Variants in PRDM1 observed in about 807,000 individuals in gnomAD.
The protein encoded by PRDM1 is PR domain zinc finger protein 1.
PRDM1 carries 13 observed loss-of-function variants against 62.8 expected under a neutral mutation model. The ratio of observed to expected loss-of-function variants is 0.21; its 90% confidence interval spans 0.13 to 0.33. The LOEUF (loss-of-function observed/expected upper bound fraction) is 0.33, where lower values mean the gene tolerates loss of function less well. Among genes scored for constraint, PRDM1 ranks in the 10% least tolerant of loss-of-function variants. PRDM1 has a pLI of 1.00. For synonymous variants in PRDM1, 396 were observed against 417.6 expected (o/e 0.95, Z 0.63); for missense variants, 895 against 1,058.8 (o/e 0.85, Z 2.15).
At chr6:106,009,766 G>A (rs899170527) in intron 1 of PRDM1, among the ~76,000 whole-genome samples, 3 of 152,078 alleles carry the variant, frequency 2.0e-5, no homozygotes, top group Non-Finnish European at 2.9e-5. Flanking sequence ...TGCCCAGGCT[G>A]GAGTGCAGTG....
In PRDM1 at chr6:106,011,450, C is replaced by T. The variant is rs74820916; in HGVS notation, c.-67+17811C>T. On this transcript the variant is annotated intron_variant, in intron 1 of 6. Coordinates refer to the PRDM1 transcript ENST00000652320. ...GGAGAATACCAGGACTTGCCTGGGT[C>T]TGTCCAGGTTGCTGGAGGCAGCCTG... Among the ~76,000 whole-genome samples, 673 of 152,280 alleles carry T rather than the reference C, an allele frequency of 4.4e-3. 5 individuals are homozygous for T. The highest frequency in any genetic ancestry group is 0.016 in the African/African-American group (649 of 41,548).
At chr6:106,026,539 T>G (rs1209057833) in intron 1 of PRDM1, among the ~76,000 whole-genome samples, 1 of 151,970 alleles carries the variant, frequency 6.6e-6, no homozygotes, top group East Asian at 1.9e-4. Context: ...AACTGAACAA[T>G]GTTTTCGTCT....
At chr6:106,020,053 C>G (rs993528901) in intron 1 of PRDM1, among the ~76,000 whole-genome samples, 2 of 151,272 alleles carry the variant, frequency 1.3e-5, no homozygotes, top group Non-Finnish European at 1.5e-5. Flanking sequence ...ATGGTGAAAC[C>G]CCATCTCCAC....
At chr6:106,024,788 C>T (rs1393034858) in intron 1 of PRDM1, among the ~76,000 whole-genome samples, 1 of 151,980 alleles carries the variant, frequency 6.6e-6, no homozygotes, top group Non-Finnish European at 1.5e-5. Flanking sequence ...GGTTATTTGC[C>T]GTGTTCTAGA....
upstream of PRDM1, chr6:106,046,554 T>G (rs1362934888): frequency 6.6e-6 from 1 of 152,334 alleles, no homozygotes; most frequent in Non-Finnish European, 1.5e-5. Flanking sequence ...CAGTCCCCTG[T>G]TGCAGTCATT....
chr6:106,073,687 T>C (rs1325747800), intron 1 of PRDM1, among the ~76,000 whole-genome samples: 1 of 152,152 alleles, frequency 6.6e-6, no homozygotes, highest in Non-Finnish European at 1.5e-5. Flanking sequence ...TTTCAAGAAG[T>C]ATATTTGTTG....
chr6:106,095,005 C>A (rs1774058250), intron 2 of PRDM1, among the ~76,000 whole-genome samples: 1 of 149,100 alleles, frequency 6.7e-6, no homozygotes, highest in African/African-American at 2.5e-5. Context: ...AACAAAGTTA[C>A]TTGAAAGATC....
At chr6:106,011,925 ACAC>A (rs1481621402) in intron 1 of PRDM1, among the ~76,000 whole-genome samples, 2 of 150,796 alleles carry the variant, frequency 1.3e-5, no homozygotes, top group African/African-American at 2.4e-5. Context: ...CATACCACAC[ACAC>A]CACACCTCTC....
At chr6:106,080,302 A>T (rs1390017667) in intron 1 of PRDM1, among the ~76,000 whole-genome samples, 1 of 152,024 alleles carries the variant, frequency 6.6e-6, no homozygotes, top group African/African-American at 2.4e-5. Flanking sequence ...TGCAAAGTGC[A>T]GTTTAATCAC....
Position 106,105,759 on chromosome 6 carries a change from T to A in PRDM1, c.1599T>A (p.Ala533=). The A allele has an allele frequency of 6.2e-7, 1 of 1,614,128 alleles. No homozygotes were observed. The highest frequency in any genetic ancestry group is 8.5e-7 in the Non-Finnish European group (1 of 1,180,050). The change falls in exon 5 of 7, where the codon GCT becomes GCA. Residue 533 remains alanine (A), a synonymous_variant. Transcript: ENST00000369096. ...ATAEHVVQPK[A]TSAAMAAPSS... ...CAGAACATGTGGTGCAGCCCAAAGC[T>A]ACCTCAGCAGCGATGGCAGCCCCCA...
At chr6:106,032,335 T>A (rs1772855750) in intron 1 of PRDM1, among the ~76,000 whole-genome samples, 1 of 151,170 alleles carries the variant, frequency 6.6e-6, no homozygotes, top group African/African-American at 2.4e-5. Flanking sequence ...ATTTTTTTTT[T>A]TTTTCTTTTT....
chr6:106,006,010 C>T (rs1322467297), intron 1 of PRDM1, among the ~76,000 whole-genome samples: 2 of 152,194 alleles, frequency 1.3e-5, no homozygotes, highest in Non-Finnish European at 2.9e-5. Flanking sequence ...CTAGATGAGG[C>T]ACTTCTAGCC....
At chr6:106,046,527 C>A (rs1377631761), upstream of PRDM1, 1 of 152,220 alleles carries the variant, frequency 6.6e-6, no homozygotes, top group African/African-American at 2.4e-5. Context: ...ATAGATGAAG[C>A]ATTTTTCCTC....
intron 1 of PRDM1, among the ~76,000 whole-genome samples, chr6:106,078,703 C>G (rs916657381): frequency 6.6e-6 from 1 of 152,070 alleles, no homozygotes; most frequent in Non-Finnish European, 1.5e-5. Flanking sequence ...GAAACCCTGT[C>G]TCTATCAAAA....
intron 1 of PRDM1, among the ~76,000 whole-genome samples, chr6:106,024,226 G>T (rs751807940): frequency 2.0e-5 from 3 of 152,266 alleles, no homozygotes; most frequent in Middle Eastern, 3.4e-3. Flanking sequence ...GCAGGCTATG[G>T]AGCATGGTCC....
intron 1 of PRDM1, among the ~76,000 whole-genome samples, chr6:106,037,304 C>A (rs1405242331): frequency 1.3e-5 from 2 of 152,110 alleles, no homozygotes; most frequent in Non-Finnish European, 2.9e-5. Context: ...TGATGATTCA[C>A]TTTTCTTGAT....
intron 1 of PRDM1, among the ~76,000 whole-genome samples, chr6:106,052,152 A>T (rs896900038): frequency 6.6e-6 from 1 of 152,222 alleles, no homozygotes; most frequent in African/African-American, 2.4e-5. Flanking sequence ...TGTACACTTA[A>T]AAGTGGTTAA....
In PRDM1 at chr6:106,107,262, A is replaced by G. The variant is rs1463471011; in HGVS notation, c.2254A>G (p.Ile752Val). 6.2e-7 allele frequency: 1 copy of G among 1,614,084 alleles called. No individual in the cohort carries two copies. The highest frequency in any genetic ancestry group is 1.3e-5 in the African/African-American group (1 of 74,924). The change falls in exon 7 of 7, where the codon ATC becomes GTC. Residue 752 changes from isoleucine to valine, a missense_variant. By Grantham distance (29) the Ile-to-Val change is conservative (BLOSUM62 3). This residue lies in a region of PRDM1 where 164 missense variants were observed against 179.9 expected (regional missense o/e 0.91). Coordinates refer to ENST00000369096, the MANE Select transcript of PRDM1 (RefSeq NM_001198.4). The stretch of plus-strand genomic sequence containing the variant: ...GGACGTGGAGGATGACATCAGTGTG[A>G]TCTCTGTAGTGGAGAAGGAAATTCT... ...LEDVEDDISV[I>V]SVVEKEILAV...
chr6:106,026,525 C>T lies in PRDM1; in HGVS notation c.-67+32886C>T, dbSNP rs1002429443. On this transcript the variant is annotated intron_variant, in intron 1 of 6. Transcript: ENST00000652320. ...ATAATAATAAAATAAAATAAAGAGC[C>T]GAAAACTGAACAATGTTTTCGTCTG... Among the ~76,000 whole-genome samples the T allele has an allele frequency of 3.3e-5, 5 of 151,850 alleles. No homozygotes were observed. In the South Asian group the frequency reaches 6.3e-4, roughly 19 times the overall value.
Sources: allele counts gnomAD v4.1 joint callset (sites outside exome capture counted in the v4.1 genomes callset), GRCh38; gene constraint gnomAD v4.1.1; regional missense constraint gnomAD v4.1.1; transcripts MANE v1.5; gene names NCBI Gene and HGNC (gene_info 2026-07-23, HGNC 2026-07-21).